Variants in ROBO2 observed in about 807,000 individuals in gnomAD.
The protein encoded by ROBO2 is roundabout homolog 2.
ROBO2 carries 53 observed loss-of-function variants against 160.8 expected under a neutral mutation model. The ratio of observed to expected loss-of-function variants is 0.33; its 90% CI spans 0.26 to 0.41. The LOEUF is 0.41. ROBO2 is among the 10% of genes least tolerant of loss of function. The probability of loss-of-function intolerance (pLI) is 1.00; values close to 1 mark genes in which losing one functional copy is unlikely to be tolerated. For synonymous variants in ROBO2, 664 were observed against 611.7 expected, an observed-to-expected ratio of 1.09 and a Z score of -1.26; for missense variants, 1,577 against 1,722.4, an observed-to-expected ratio of 0.92 and a Z score of 1.49.
chr3:76,291,378 G>T (rs1211104525), intron 2 of ROBO2, among the ~76,000 whole-genome samples: 2 of 151,996 alleles, frequency 1.3e-5, no homozygotes, highest in Non-Finnish European at 2.9e-5. Context: ...TTTCTGTGGA[G>T]TCACCGGCAA....
At chr3:76,104,364 A>AT (rs2069831829) in intron 2 of ROBO2, among the ~76,000 whole-genome samples, 1 of 152,218 alleles carries the variant, frequency 6.6e-6, no homozygotes, top group African/African-American at 2.4e-5. Context: ...GGTTGAAGGC[A>AT]TTAAAATGTT....
At chr3:77,493,697 C>T (rs2086425351) in intron 5 of ROBO2, among the ~76,000 whole-genome samples, 1 of 152,116 alleles carries the variant, frequency 6.6e-6, no homozygotes. Flanking sequence ...CTGCAGAATG[C>T]CCCCTGCAGG....
intron 2 of ROBO2, among the ~76,000 whole-genome samples, chr3:77,133,421 G>A (rs929719350): frequency 2.6e-5 from 4 of 152,038 alleles, no homozygotes; most frequent in Non-Finnish European, 5.9e-5. Context: ...TTCACTCAGG[G>A]AAATCAAATA....
At chr3:76,153,242 C>T (rs1303239068) in intron 2 of ROBO2, among the ~76,000 whole-genome samples, 1 of 152,124 alleles carries the variant, frequency 6.6e-6, no homozygotes, top group Admixed American at 6.6e-5. Flanking sequence ...CAAGCTGCAT[C>T]CCAGAGAGTT....
chr3:75,997,682 A>G (rs960266383), intron 2 of ROBO2, among the ~76,000 whole-genome samples: 3 of 151,726 alleles, frequency 2.0e-5, no homozygotes, highest in Non-Finnish European at 4.4e-5. Context: ...TTTAGTAGAG[A>G]CGGGGTTTCA....
intron 2 of ROBO2, among the ~76,000 whole-genome samples, chr3:75,976,957 A>G (rs891509454): frequency 6.6e-5 from 10 of 151,580 alleles, no homozygotes; most frequent in African/African-American, 2.2e-4. Context: ...TATGTTACCT[A>G]TCAAGGAAAT....
At chr3:77,354,435 TTG>T (rs2068776296) in intron 2 of ROBO2, among the ~76,000 whole-genome samples, 1 of 9,126 alleles carries the variant, frequency 1.1e-4, no homozygotes, top group Non-Finnish European at 7.8e-4. Context: ...CGGCATGAAT[TTG>T]CATCATGAAT....
chr3:76,378,793 C>A (rs1170104663), intron 2 of ROBO2, among the ~76,000 whole-genome samples: 3 of 152,148 alleles, frequency 2.0e-5, no homozygotes, highest in Non-Finnish European at 2.9e-5. Context: ...TTTCAAAAAA[C>A]TAGAGACAGA....
intron 2 of ROBO2, among the ~76,000 whole-genome samples, chr3:76,973,567 T>TGTGAC (rs2149292943): frequency 6.6e-6 from 1 of 152,270 alleles, no homozygotes; most frequent in Non-Finnish European, 1.5e-5. Context: ...TATACCTTAT[T>TGTGAC]ATCAATAGCA....
At chr3:75,955,510 G>A (rs1948689361) in intron 2 of ROBO2, among the ~76,000 whole-genome samples, 1 of 151,436 alleles carries the variant, frequency 6.6e-6, no homozygotes, top group South Asian at 2.1e-4. Context: ...GGGAGGGATG[G>A]CATTAGGAGA....
At chr3:76,420,291 A>G (rs1483456158) in intron 2 of ROBO2, among the ~76,000 whole-genome samples, 1 of 152,194 alleles carries the variant, frequency 6.6e-6, no homozygotes, top group Non-Finnish European at 1.5e-5. Context: ...CTGGGATTAC[A>G]GTCATGAGCC....
intron 2 of ROBO2, among the ~76,000 whole-genome samples, chr3:76,915,106 C>T (rs1015087964): frequency 5.9e-5 from 9 of 152,166 alleles, no homozygotes; most frequent in Admixed American, 2.6e-4. Flanking sequence ...TCATAACATT[C>T]ATCACAGTTT....
At chr3:76,296,098 G>A (rs561433062) in intron 2 of ROBO2, among the ~76,000 whole-genome samples, 1 of 152,266 alleles carries the variant, frequency 6.6e-6, no homozygotes, top group South Asian at 2.1e-4. Flanking sequence ...ATATCTGGTT[G>A]GGCACTAAAT....
intron 2 of ROBO2, among the ~76,000 whole-genome samples, chr3:77,246,016 G>A (rs1333200011): frequency 6.6e-6 from 1 of 152,130 alleles, no homozygotes; most frequent in Non-Finnish European, 1.5e-5. Context: ...TTTTTTAGTA[G>A]TGACTATCAG....
intron 2 of ROBO2, among the ~76,000 whole-genome samples, chr3:76,145,999 T>G (rs2071872615): frequency 6.6e-6 from 1 of 152,034 alleles, no homozygotes; most frequent in Non-Finnish European, 1.5e-5. Context: ...TTCCACTATT[T>G]CTTTCCCGCT....
intron 2 of ROBO2, among the ~76,000 whole-genome samples, chr3:76,256,352 T>TCACACA (rs1553689349): frequency 1.3e-4 from 9 of 69,946 alleles, no homozygotes; most frequent in South Asian, 1.3e-3. Flanking sequence ...TCTCTCTCTC[T>TCACACA]CACATACACA....
intron 2 of ROBO2, among the ~76,000 whole-genome samples, chr3:76,190,615 A>C (rs1348970364): frequency 6.6e-6 from 1 of 152,216 alleles, no homozygotes; most frequent in Non-Finnish European, 1.5e-5. Context: ...ACACCATGTT[A>C]ATGTTTCTGT....
chr3:77,546,243 A>C, intron 6 of ROBO2, 95 bp from the exon 8 acceptor site: 1 of 1,335,302 alleles, frequency 7.5e-7, no homozygotes, highest in Non-Finnish European at 1.1e-6. Context: ...TCTCTCTGGC[A>C]CTGAACAGTC....
chr3:75,990,768 A>C (rs1352890480), intron 2 of ROBO2, among the ~76,000 whole-genome samples: 1 of 152,096 alleles, frequency 6.6e-6, no homozygotes, highest in African/African-American at 2.4e-5. Context: ...GAAATATTTA[A>C]TTTTTTGTGT....
Sources: allele counts gnomAD v4.1 joint callset (sites outside exome capture counted in the v4.1 genomes callset), GRCh38; gene constraint gnomAD v4.1.1; transcripts MANE v1.5; gene names NCBI Gene and HGNC (gene_info 2026-07-23, HGNC 2026-07-21).